The following ITGB1 variants were observed in gnomAD, a reference collection of about 807,000 sequenced individuals.
The protein encoded by ITGB1 is integrin beta-1.
A neutral mutation model predicts 86.5 loss-of-function variants in ITGB1; 24 were observed. That is an observed-to-expected ratio of 0.28 (90% confidence interval 0.20 to 0.39). The LOEUF is 0.39. Among genes scored for constraint, ITGB1 ranks in the 10% least tolerant of loss-of-function variants. ITGB1 has a pLI of 1.00. For missense variants in ITGB1, 556 were observed against 946.9 expected (o/e 0.59, Z 5.42); for synonymous variants, 323 against 316.8 (o/e 1.02, Z -0.21).
intron 6 of ITGB1, among the ~76,000 whole-genome samples, chr10:32,923,953 C>G (rs1300626995): frequency 6.6e-6 from 1 of 152,162 alleles, no homozygotes; most frequent in Admixed American, 6.5e-5. Flanking sequence ...CTTGCCTGAC[C>G]ATCCGTATCT....
chr10:32,908,628 A>G, intron 14 of ITGB1, 94 bp from the exon 15 acceptor site: 1 of 999,090 alleles, frequency 1.0e-6, no homozygotes, highest in Non-Finnish European at 1.5e-6. Flanking sequence ...GAGTGAACGC[A>G]CACTATCCCA....
chr10:32,935,341 C>A, intron 2 of ITGB1, 151 bp downstream of exon 2: 1 of 577,734 alleles, frequency 1.7e-6, no homozygotes, highest in Non-Finnish European at 3.1e-6. Context: ...CATGAAGGAA[C>A]TTGACCTTTC....
intron 15 of ITGB1, 109 bp from the exon 16 acceptor site, chr10:32,901,744 CTATTT>C (rs1277565126): frequency 7.3e-6 from 5 of 687,054 alleles, no homozygotes; most frequent in Middle Eastern, 2.5e-4. Context: ...GAAGTCATTT[CTATTT>C]TATTTGTCCA....
intron 2 of ITGB1, among the ~76,000 whole-genome samples, chr10:32,935,186 T>C (rs2094997254): frequency 6.6e-6 from 1 of 152,254 alleles, no homozygotes; most frequent in Admixed American, 6.5e-5. Context: ...CTTCTAAATA[T>C]ACTTGCTTTT....
intron 11 of ITGB1, among the ~76,000 whole-genome samples, chr10:32,912,811 T>C (rs527239265): frequency 5.4e-4 from 82 of 152,146 alleles, no homozygotes; most frequent in Non-Finnish European, 9.6e-4. Context: ...TTGAAGAGAG[T>C]AGTGGTTCTC....
intron 1 of ITGB1, among the ~76,000 whole-genome samples, chr10:32,945,289 C>T (rs1028225221): frequency 6.6e-6 from 1 of 152,046 alleles, no homozygotes; most frequent in Admixed American, 6.6e-5. Flanking sequence ...TGGTAGTAAT[C>T]TAACTTTTTG....
At chr10:32,903,972 T>C (rs1281564135) in intron 15 of ITGB1, among the ~76,000 whole-genome samples, 1 of 147,800 alleles carries the variant, frequency 6.8e-6, no homozygotes, top group Non-Finnish European at 1.5e-5. Context: ...CTAAATCTAG[T>C]ATTTAATACT....
intron 3 of ITGB1, among the ~76,000 whole-genome samples, chr10:32,932,117 TA>T (rs1235164782): frequency 6.6e-6 from 1 of 152,012 alleles, no homozygotes; most frequent in Non-Finnish European, 1.5e-5. Flanking sequence ...GGTTCTCCCA[TA>T]AAAATCTAAT....
intron 15 of ITGB1, among the ~76,000 whole-genome samples, chr10:32,903,344 T>C (rs1593849265): frequency 4.2e-5 from 3 of 72,074 alleles, no homozygotes; most frequent in South Asian, 5.0e-4. Flanking sequence ...AGAGCAAGAC[T>C]CCATCTCAAA....
chr10:32,925,162 T>C (rs928361570), intron 6 of ITGB1, among the ~76,000 whole-genome samples: 1 of 152,168 alleles, frequency 6.6e-6, no homozygotes, highest in African/African-American at 2.4e-5. Context: ...CAGGACAAAC[T>C]TGACATGACA....
chr10:32,924,384 T>G (rs545824247), intron 6 of ITGB1, among the ~76,000 whole-genome samples: 1 of 152,360 alleles, frequency 6.6e-6, no homozygotes, highest in South Asian at 2.1e-4. Context: ...CTATGGTAAT[T>G]TATAATTATA....
rs527491565 is a variant in ITGB1 at position 32,913,351 on chromosome 10, C to T, written c.1470-1227G>A. On this transcript the variant is annotated intron_variant, in intron 11 of 15. Coordinates refer to ENST00000302278, the MANE Select transcript of ITGB1 (RefSeq NM_002211.4). ...TTGAGAGAAGAAGGCTTCAGATAAT[C>T]GGTAATAACAAACTTGTCCGAGCTA... Among the ~76,000 whole-genome samples, 28 of 152,266 alleles carry T rather than the reference C, an allele frequency of 1.8e-4. No homozygotes were observed. In the East Asian group the frequency reaches 4.6e-3, roughly 25 times the overall value.
At chr10:32,905,513 C>T (rs971725713) in intron 15 of ITGB1, among the ~76,000 whole-genome samples, 113 of 152,286 alleles carry the variant, frequency 7.4e-4, no homozygotes, top group African/African-American at 2.7e-3. Context: ...TGATCTACCT[C>T]TTCCTAACCA....
chr10:32,926,057 T>G lies in ITGB1; in HGVS notation c.600A>C (p.Pro200=). 6.2e-7 allele frequency: 1 copy of G among 1,614,176 alleles called. No homozygotes were observed. Among genetic ancestry groups the G allele is most frequent in the Non-Finnish European group, 8.5e-7 (1 of 1,180,000 alleles). The change falls in exon 6 of 16, where the codon CCA becomes CCC. Residue 200 remains proline (P), a synonymous_variant. Coordinates refer to ENST00000302278, the MANE Select transcript of ITGB1 (RefSeq NM_002211.4). ...KTVMPYISTT[P]AKLRNPCTSE... Reference sequence around the variant, plus strand: ...TTGTGCAAGGGTTCCTGAGCTTAGCTGGTGTTGTGCTAATGTAAGGCATCA... The same window carrying G: ...TTGTGCAAGGGTTCCTGAGCTTAGCGGGTGTTGTGCTAATGTAAGGCATCA...
chr10:32,912,736 C>T (rs756793569), intron 11 of ITGB1, among the ~76,000 whole-genome samples: 3 of 152,228 alleles, frequency 2.0e-5, no homozygotes, highest in Non-Finnish European at 4.4e-5. Context: ...CCTCTGGGGG[C>T]AGGGCATAGC....
At chr10:32,943,661 G>C (rs1366117292) in intron 1 of ITGB1, among the ~76,000 whole-genome samples, 1 of 152,128 alleles carries the variant, frequency 6.6e-6, no homozygotes, top group Non-Finnish European at 1.5e-5. Flanking sequence ...GGCAGTCTTG[G>C]GGGAAAAGGC....
intron 1 of ITGB1, among the ~76,000 whole-genome samples, chr10:32,956,265 C>T (rs2095051898): frequency 6.6e-6 from 1 of 152,134 alleles, no homozygotes; most frequent in Non-Finnish European, 1.5e-5. Flanking sequence ...CAGGTAACTG[C>T]CAACTGAAGT....
chr10:32,946,196 TAA>T (rs1048920984), intron 1 of ITGB1, among the ~76,000 whole-genome samples: 8 of 152,098 alleles, frequency 5.3e-5, no homozygotes, highest in Non-Finnish European at 1.0e-4. Flanking sequence ...CTCCCAAAAA[TAA>T]AAGAGAAAAC....
At chr10:32,913,818 C>T (rs2094922123) in intron 11 of ITGB1, among the ~76,000 whole-genome samples, 2 of 152,076 alleles carry the variant, frequency 1.3e-5, no homozygotes, top group South Asian at 4.1e-4. Context: ...ACAGAGAAAG[C>T]CACAAAGATA....
Sources: allele counts gnomAD v4.1 joint callset (sites outside exome capture counted in the v4.1 genomes callset), GRCh38; gene constraint gnomAD v4.1.1; transcripts MANE v1.5; gene names NCBI Gene and HGNC (gene_info 2026-07-23, HGNC 2026-07-21).